The following RNF32 variants were observed in gnomAD, a reference collection of about 807,000 sequenced individuals.
The protein encoded by RNF32 is ring finger protein 32.
RNF32 carries 36 observed loss-of-function variants against 41.0 expected under a neutral mutation model. The ratio of observed to expected loss-of-function variants is 0.88; its 90% CI spans 0.67 to 1.16. RNF32 has a LOEUF of 1.16. Among genes scored for constraint, RNF32 ranks in the 50% most tolerant of loss-of-function variants. RNF32 has a pLI of 0.00. For synonymous variants in RNF32, 154 were observed against 160.9 expected (o/e 0.96, Z 0.32); for missense variants, 413 against 436.7 (o/e 0.95, Z 0.48).
rs1475278356 is a variant in RNF32 at position 156,669,503 on chromosome 7, C to T, written c.685-6193C>T. Among the ~76,000 whole-genome samples, 1 of 152,116 alleles carries T rather than the reference C, an allele frequency of 6.6e-6. No homozygotes were observed. The highest frequency in any genetic ancestry group is 3.2e-3 in the Middle Eastern group (1 of 316). ...CCAGGCAGAGGGCAGCACGGCTTAG[C>T]ATGTGGGAGGGGCAGGCTGGCAGAG... On this transcript the variant is annotated intron_variant, in intron 7 of 8. Coordinates refer to ENST00000317955, the MANE Select transcript of RNF32 (RefSeq NM_030936.4). This position sits in a 1 kb window ranked among gnomAD's most constrained non-coding sequence, Gnocchi z 4.2.
At chr7:156,672,284 C>T (rs1211859759) in intron 7 of RNF32, among the ~76,000 whole-genome samples, 4 of 152,070 alleles carry the variant, frequency 2.6e-5, no homozygotes, top group Non-Finnish European at 5.9e-5. Flanking sequence ...GGTTTAAAGG[C>T]AGGGTGTGAC....
At chr7:156,640,516 G>T (rs1049481496), upstream of RNF32, 2 of 358,596 alleles carry the variant, frequency 5.6e-6, no homozygotes, top group Non-Finnish European at 1.1e-5. Flanking sequence ...CCCGCTGCGC[G>T]AGCCTCGACG....
intron 4 of RNF32, among the ~76,000 whole-genome samples, chr7:156,656,427 A>C (rs1396462029): frequency 2.0e-5 from 3 of 152,248 alleles, no homozygotes; most frequent in African/African-American, 7.2e-5. Context: ...AAAGTATTCT[A>C]TAAAGAATGA....
upstream of RNF32, chr7:156,640,212 A>G (rs963317733): frequency 2.2e-6 from 1 of 453,076 alleles, no homozygotes; most frequent in Non-Finnish European, 4.4e-6. Context: ...GCGCGGGGGG[A>G]TCGGGGGATC....
At chr7:156,659,899 G>C in intron 7 of RNF32, 1 of 985,416 alleles carries the variant, frequency 1.0e-6, no homozygotes, top group Non-Finnish European at 1.2e-6. Context: ...AAGTGACCAA[G>C]AGCAGTCGGG....
At chr7:156,641,656 C>G (rs1207335134) in intron 1 of RNF32, among the ~76,000 whole-genome samples, 1 of 152,164 alleles carries the variant, frequency 6.6e-6, no homozygotes, top group African/African-American at 2.4e-5. Context: ...ATATTAATGA[C>G]AGTGGTCTAC....
At chr7:156,666,768 A>G (rs1585079290) in intron 7 of RNF32, among the ~76,000 whole-genome samples, 1 of 152,218 alleles carries the variant, frequency 6.6e-6, no homozygotes, top group Non-Finnish European at 1.5e-5. Flanking sequence ...GAAAGTCCAC[A>G]GTGTTGCCCA....
chr7:156,675,025 G>C (rs879654799), intron 7 of RNF32, among the ~76,000 whole-genome samples: 2 of 152,208 alleles, frequency 1.3e-5, no homozygotes, highest in Non-Finnish European at 2.9e-5. Context: ...TGTAAGTTAA[G>C]CTTAACGAGA....
chr7:156,668,676 C>A (rs759291291), intron 7 of RNF32, among the ~76,000 whole-genome samples: 1 of 152,240 alleles, frequency 6.6e-6, no homozygotes, highest in Non-Finnish European at 1.5e-5. Flanking sequence ...CACAGCAGCA[C>A]GCTTTCCATC....
At chr7:156,668,153 G>A (rs953750788) in intron 7 of RNF32, among the ~76,000 whole-genome samples, 1 of 152,192 alleles carries the variant, frequency 6.6e-6, no homozygotes, top group Non-Finnish European at 1.5e-5. Context: ...ACTCATTCAA[G>A]GAGATAAGCA....
At chr7:156,671,013 A>AG (rs1396719811) in intron 7 of RNF32, among the ~76,000 whole-genome samples, 1 of 152,156 alleles carries the variant, frequency 6.6e-6, no homozygotes, top group African/African-American at 2.4e-5. Flanking sequence ...AGGAAAATTA[A>AG]GTATGCTCAG....
At chr7:156,647,411 G>A (rs182797750) in intron 3 of RNF32, among the ~76,000 whole-genome samples, 56 of 151,970 alleles carry the variant, frequency 3.7e-4, no homozygotes, top group African/African-American at 9.9e-4. Context: ...TTGCATACTC[G>A]TATCTTAGCT....
At chr7:156,671,658 C>T (rs1385476294) in intron 7 of RNF32, among the ~76,000 whole-genome samples, 12 of 152,126 alleles carry the variant, frequency 7.9e-5, no homozygotes, top group Admixed American at 6.5e-4. Context: ...CCGATGTTTG[C>T]GGTACAGGCG....
chr7:156,675,601 A>G, intron 7 of RNF32, 95 bp from the exon 8 acceptor site: 1 of 971,562 alleles, frequency 1.0e-6, no homozygotes, highest in Non-Finnish European at 1.6e-6. Context: ...AGAGACGAGG[A>G]AGGTTACCAA....
At chr7:156,658,328 G>C (rs907318785) in intron 6 of RNF32, 76 bp downstream of exon 6, 63 of 1,587,102 alleles carry the variant, frequency 4.0e-5, no homozygotes, top group Non-Finnish European at 4.9e-5. Flanking sequence ...TTTGAATAGT[G>C]GGATTTTATC....
chr7:156,676,727 T>C lies in RNF32; in HGVS notation c.*72T>C. 1.8e-6 allele frequency: 2 copies of C among 1,114,128 alleles called. No individual in the cohort carries two copies. The highest frequency in any genetic ancestry group is 2.7e-6 in the Non-Finnish European group (2 of 743,482). The allele number at this position is 1,114,128 out of a possible 1,614,324, so 69.0% of individuals were successfully genotyped here. A position where few individuals can be genotyped will look rare whatever the true frequency, so the allele number is the denominator to read the frequency against. ...CATCATTTTGGATGAACTGCATGAG[T>C]TCTGGGTTAAGTACTACAATGTAAT... On this transcript the variant is annotated 3_prime_UTR_variant, in exon 9 of 9. Coordinates refer to ENST00000317955, the MANE Select transcript of RNF32 (RefSeq NM_030936.4).
intron 7 of RNF32, among the ~76,000 whole-genome samples, chr7:156,660,862 T>TA (rs1478746267): frequency 6.6e-6 from 1 of 152,232 alleles, no homozygotes; most frequent in Non-Finnish European, 1.5e-5. Flanking sequence ...AGGCAGGAGT[T>TA]ACAGGCAAAG....
Position 156,658,470 on chromosome 7 carries a change from C to A in RNF32, c.584C>A (p.Ala195Asp), listed in dbSNP as rs1274386720. 2.5e-6 allele frequency: 4 copies of A among 1,610,862 alleles called. No homozygotes were observed. The highest frequency in any genetic ancestry group is 3.4e-6 in the Non-Finnish European group (4 of 1,177,294). ...AAATATCTGTGTTTTAGAATCCAAG[C>A]CTACTGGAGAGGATGTGTTGTTAGA... ...FRIKCVTRIQ[A>D]YWRGCVVRKW... The change falls in exon 7 of 9, where the codon GCC (alanine) becomes GAC (aspartate). Residue 195 changes from alanine (A) to aspartate (D), a missense_variant. Ala to Asp is a moderately radical substitution (Grantham distance 126). Transcript: ENST00000317955.
intron 8 of RNF32, 104 bp from the exon 9 acceptor site, chr7:156,676,315 C>G (rs751671528): frequency 6.2e-7 from 1 of 1,611,148 alleles, no homozygotes; most frequent in African/African-American, 1.3e-5. Context: ...CCGCATGTTT[C>G]GAAGACCCAT....
Sources: allele counts gnomAD v4.1 joint callset (sites outside exome capture counted in the v4.1 genomes callset), GRCh38; gene constraint gnomAD v4.1.1; non-coding constraint Gnocchi (gnomAD v3.1); transcripts MANE v1.5; gene names NCBI Gene and HGNC (gene_info 2026-07-23, HGNC 2026-07-21).